RHOU: variants seen among roughly 807,000 people sequenced by gnomAD.
RHOU encodes ras homolog family member U.
A neutral mutation model predicts 12.6 loss-of-function variants in RHOU; 8 were observed. The ratio of observed to expected loss-of-function variants is 0.64; its 90% CI spans 0.37 to 1.15. The LOEUF (loss-of-function observed/expected upper bound fraction) is 1.15. RHOU is among the 50% of genes most tolerant of loss of function. The pLI, the probability that RHOU is intolerant of heterozygous loss-of-function variation, is 0.01. For synonymous variants in RHOU, 161 were observed against 147.4 expected, an observed-to-expected ratio of 1.09 and a Z score of -0.67; for missense variants, 258 against 347.0, an observed-to-expected ratio of 0.74 and a Z score of 2.04.
the RHOU span, among the ~76,000 whole-genome samples, chr1:228,716,391 A>G: frequency 4.6e-5 from 7 of 152,182 alleles, no homozygotes; most frequent in African/African-American, 1.2e-4. Context: ...CACTCATTAA[A>G]TCATTCTATA....
the RHOU span, among the ~76,000 whole-genome samples, chr1:228,726,491 C>T: frequency 6.6e-6 from 1 of 151,990 alleles, no homozygotes; most frequent in African/African-American, 2.4e-5. Context: ...ATGGTGAAAC[C>T]CCGTCCGTAC....
At chr1:228,686,651 G>A in the RHOU span, among the ~76,000 whole-genome samples, 2 of 152,124 alleles carry the variant, frequency 1.3e-5, no homozygotes, top group East Asian at 3.9e-4. Context: ...AAAAGCAATG[G>A]CTTTTTAAAG....
At chr1:228,730,813 C>T (rs1054581310), upstream of RHOU, among the ~76,000 whole-genome samples, 3 of 152,086 alleles carry the variant, frequency 2.0e-5, no homozygotes, top group East Asian at 1.9e-4. Context: ...CCAAAAAAAC[C>T]GTGCTGTTCT....
At chr1:228,707,012 C>T in the RHOU span, among the ~76,000 whole-genome samples, 3,849 of 148,648 alleles carry the variant, frequency 0.026, 173 homozygotes, top group African/African-American at 0.088. Context: ...ATCCTTGCCT[C>T]GTTTCTTATC....
At chr1:228,646,873 G>T in the RHOU span, among the ~76,000 whole-genome samples, 1 of 152,068 alleles carries the variant, frequency 6.6e-6, no homozygotes, top group South Asian at 2.1e-4. Flanking sequence ...TGGATGGAGA[G>T]ATAGAAACCG....
At chr1:228,681,415 A>T in the RHOU span, among the ~76,000 whole-genome samples, 6 of 152,050 alleles carry the variant, frequency 3.9e-5, no homozygotes, top group African/African-American at 1.4e-4. Flanking sequence ...GAGGGGTCAG[A>T]TGGGTCAGCA....
At chr1:228,650,535 C>T in the RHOU span, 10 of 456,620 alleles carry the variant, frequency 2.2e-5, no homozygotes, top group East Asian at 2.1e-4. Context: ...AGAAGCTGTG[C>T]GAGGAGAGTG....
the RHOU span, among the ~76,000 whole-genome samples, chr1:228,730,191 A>G: frequency 4.6e-5 from 7 of 152,286 alleles, no homozygotes; most frequent in East Asian, 1.4e-3. Flanking sequence ...CAAGTTTGGG[A>G]ATTGCTGGGG....
chr1:228,678,910 C>T, the RHOU span, among the ~76,000 whole-genome samples: 1 of 152,094 alleles, frequency 6.6e-6, no homozygotes, highest in Non-Finnish European at 1.5e-5. Context: ...TAGGCTAAAA[C>T]AGTAAGGTCA....
the RHOU span, among the ~76,000 whole-genome samples, chr1:228,662,774 T>C: frequency 2.6e-5 from 4 of 152,114 alleles, no homozygotes; most frequent in African/African-American, 4.8e-5. Flanking sequence ...GGCACATGTA[T>C]ACCTATATAA....
the RHOU span, among the ~76,000 whole-genome samples, chr1:228,682,332 A>G: frequency 6.6e-6 from 1 of 152,192 alleles, no homozygotes; most frequent in Non-Finnish European, 1.5e-5. Flanking sequence ...AGTCCCTCTG[A>G]CCCGGGTCTT....
At chr1:228,740,644 G>A (rs1662702485) in intron 2 of RHOU, among the ~76,000 whole-genome samples, 2 of 152,194 alleles carry the variant, frequency 1.3e-5, no homozygotes, top group Admixed American at 1.3e-4. Flanking sequence ...ATGGAGGAAG[G>A]AACACATACC....
chr1:228,707,267 T>TA, the RHOU span, among the ~76,000 whole-genome samples: 9 of 107,554 alleles, frequency 8.4e-5, no homozygotes, highest in African/African-American at 2.6e-4. Flanking sequence ...TGTGTGTGTG[T>TA]GTGTGTGTGT....
chr1:228,655,734 G>T, the RHOU span, among the ~76,000 whole-genome samples: 1 of 152,224 alleles, frequency 6.6e-6, no homozygotes, highest in African/African-American at 2.4e-5. Flanking sequence ...ACTACAGTAC[G>T]ATTGGTTAGT....
chr1:228,668,088 C>T, the RHOU span, among the ~76,000 whole-genome samples: 1 of 152,106 alleles, frequency 6.6e-6, no homozygotes, highest in African/African-American at 2.4e-5. Flanking sequence ...TCAATCATAC[C>T]TATGTAATGG....
chr1:228,703,473 C>A, the RHOU span, among the ~76,000 whole-genome samples: 1 of 151,430 alleles, frequency 6.6e-6, no homozygotes, highest in South Asian at 2.1e-4. Context: ...TTGCAGTGAG[C>A]TGAGATCGCG....
upstream of RHOU, among the ~76,000 whole-genome samples, chr1:228,731,982 G>A (rs969334817): frequency 6.6e-6 from 1 of 152,160 alleles, no homozygotes; most frequent in African/African-American, 2.4e-5. Flanking sequence ...CAAAGACATG[G>A]TTTTCTATTA....
chr1:228,736,823 C>T (rs560757222), intron 1 of RHOU, among the ~76,000 whole-genome samples: 5 of 148,700 alleles, frequency 3.4e-5, no homozygotes, highest in African/African-American at 1.2e-4. Context: ...ACTTAACTGT[C>T]TTGCTTCTTT....
Position 228,746,200 on chromosome 1 carries a change from G to C in RHOU, c.*2460G>C, listed in dbSNP as rs1379491329. The C allele has an allele frequency of 6.6e-6, 1 of 152,166 alleles. No individual in the cohort carries two copies. The highest frequency in any genetic ancestry group is 1.5e-5 in the Non-Finnish European group (1 of 68,026). The allele number at this position is 152,166 out of a possible 1,614,324, so 9.4% of individuals were successfully genotyped here. ...TTTTCCTCCATTTTTATTTCTTCGT[G>C]AACATAGAGTTTGGGGCCGAAAATG... is the stretch of plus-strand genomic sequence containing the variant. On this transcript the variant is annotated 3_prime_UTR_variant, in exon 3 of 3. Coordinates refer to ENST00000366691, the MANE Select transcript of RHOU (RefSeq NM_021205.6).
Sources: gnomAD v4.1 joint callset for allele counts (sites outside exome capture counted in the v4.1 genomes callset) on GRCh38, gnomAD v4.1.1 for gene constraint, MANE v1.5 for transcripts, NCBI Gene and HGNC (gene_info 2026-07-23, HGNC 2026-07-21) for gene names.